ORC4: variants seen among roughly 807,000 people sequenced by gnomAD.
The protein encoded by ORC4 is origin recognition complex, subunit 4 homolog.
Under a neutral mutation model 63.9 loss-of-function variants are expected in ORC4, and 55 were observed. The ratio of observed to expected loss-of-function variants is 0.86; its 90% CI spans 0.69 to 1.08. ORC4 has a LOEUF of 1.08. Ranked by LOEUF, ORC4 falls within the 50% of genes least tolerant of loss-of-function variation. The pLI is 0.00. For missense variants in ORC4, 511 were observed against 504.4 expected (o/e 1.01, Z -0.13); for synonymous variants, 150 against 168.5 (o/e 0.89, Z 0.85).
At chr2:147,977,217 A>C (rs1449076877) in intron 1 of ORC4, among the ~76,000 whole-genome samples, 1 of 152,204 alleles carries the variant, frequency 6.6e-6, no homozygotes, top group Non-Finnish European at 1.5e-5. Flanking sequence ...ATTTGGATCC[A>C]ACCAAGTTAA....
chr2:147,988,972 AAACAT>A (rs1401837495), intron 1 of ORC4, among the ~76,000 whole-genome samples: 1 of 152,196 alleles, frequency 6.6e-6, no homozygotes, highest in Non-Finnish European at 1.5e-5. Flanking sequence ...AAACATTTAT[AAACAT>A]AACTTTTTAT....
At chr2:147,961,595 T>C (rs1689594884) in intron 4 of ORC4, among the ~76,000 whole-genome samples, 3 of 152,238 alleles carry the variant, frequency 2.0e-5, no homozygotes, top group Admixed American at 6.5e-5. Flanking sequence ...CAAACAATGC[T>C]CATCTCTTCA....
At chr2:148,018,419 G>A (rs1371607755) in intron 1 of ORC4, among the ~76,000 whole-genome samples, 3 of 152,112 alleles carry the variant, frequency 2.0e-5, no homozygotes, top group Non-Finnish European at 2.9e-5. Flanking sequence ...ATAAACATAC[G>A]TACTCTACAA....
chr2:147,972,855 T>G (rs772482689), intron 3 of ORC4, 26 bp from the exon 4 acceptor site: 1 of 1,458,752 alleles, frequency 6.9e-7, no homozygotes, highest in South Asian at 1.1e-5. Context: ...TAGGACAAAA[T>G]TTTAAAAATG....
intron 9 of ORC4, among the ~76,000 whole-genome samples, chr2:147,943,939 A>C (rs143105990): frequency 6.6e-6 from 1 of 152,288 alleles, no homozygotes; most frequent in African/African-American, 2.4e-5. Flanking sequence ...AGAAGGAAGA[A>C]CATTCCAGTT....
At chr2:147,948,968 AT>A (rs1158451421) in intron 8 of ORC4, among the ~76,000 whole-genome samples, 1 of 148,418 alleles carries the variant, frequency 6.7e-6, no homozygotes, top group Non-Finnish European at 1.5e-5. Flanking sequence ...AACTTGAGCA[AT>A]TTTTCAAAAT....
chr2:147,997,665 T>C (rs1175269507), intron 1 of ORC4, among the ~76,000 whole-genome samples: 1 of 152,144 alleles, frequency 6.6e-6, no homozygotes, highest in Non-Finnish European at 1.5e-5. Flanking sequence ...TATAAAAACA[T>C]AGCTTAAAAA....
chr2:147,973,032 G>C (rs2105350012), intron 3 of ORC4, among the ~76,000 whole-genome samples: 1 of 152,212 alleles, frequency 6.6e-6, no homozygotes, highest in South Asian at 2.1e-4. Flanking sequence ...GAAATCTTCA[G>C]GTGAAAACGT....
At position 147,931,596 on chromosome 2, in the gene ORC4, A is replaced by G. The variant is rs990708624; in HGVS notation, c.*3914T>C. 1 of 152,218 alleles carries G rather than the reference A, an allele frequency of 6.6e-6. No individual in the cohort carries two copies. Among genetic ancestry groups the G allele is most frequent in the African/African-American group, 2.4e-5 (1 of 41,434 alleles). The allele number at this position is 152,218 out of a possible 1,614,324, so 9.4% of individuals were successfully genotyped here. A position where few individuals can be genotyped will look rare whatever the true frequency, so the allele number is the denominator to read the frequency against. On this transcript the variant is annotated 3_prime_UTR_variant, in exon 14 of 14. Coordinates refer to ENST00000392857, the MANE Select transcript of ORC4 (RefSeq NM_181741.4). ...AAACGAATCCAGCAGCACATCAAAA[A>G]GCTTATCCACCATGATCAAGTGGGC...
intron 1 of ORC4, among the ~76,000 whole-genome samples, chr2:148,008,824 G>T (rs1558879019): frequency 6.6e-6 from 1 of 152,128 alleles, no homozygotes; most frequent in Non-Finnish European, 1.5e-5. Context: ...GCTCACCATT[G>T]TTCCATCTGT....
chr2:147,948,138 C>T lies in ORC4; in HGVS notation c.675G>A (p.Gln225=), dbSNP rs567650333. 2 of 1,610,590 alleles carry T rather than the reference C, an allele frequency of 1.2e-6. No individual in the cohort carries two copies. The highest frequency in any genetic ancestry group is 2.2e-5 in the East Asian group (1 of 44,718). Residue 225 remains glutamine (Q), a synonymous_variant, in exon 9 of 14, where the codon CAG becomes CAA. Transcript: ENST00000392857. The part of the protein sequence containing the change: ...IHLMNSFGFP[Q]YVKIFKEQLS... ...ACTGTTCTTTAAATATTTTAACATA[C>T]TGTGGAAAACCAAATGAATTCATTA...
intron 1 of ORC4, among the ~76,000 whole-genome samples, chr2:148,002,751 A>G (rs938661527): frequency 1.3e-5 from 2 of 152,168 alleles, no homozygotes; most frequent in African/African-American, 4.8e-5. Flanking sequence ...AAGACAAGAA[A>G]TAACTAAGAC....
chr2:148,005,555 G>T (rs949501201), intron 1 of ORC4, among the ~76,000 whole-genome samples: 1 of 144,140 alleles, frequency 6.9e-6, no homozygotes, highest in Non-Finnish European at 1.5e-5. Flanking sequence ...ATTTAAAATA[G>T]ACATTGTTTT....
intron 7 of ORC4, among the ~76,000 whole-genome samples, chr2:147,954,913 T>G (rs1311752777): frequency 1.3e-5 from 2 of 152,000 alleles, no homozygotes; most frequent in Non-Finnish European, 2.9e-5. Flanking sequence ...CCACAGAAAT[T>G]TATCCCAGGA....
intron 1 of ORC4, among the ~76,000 whole-genome samples, chr2:148,003,841 A>G (rs1211552071): frequency 2.6e-5 from 4 of 152,230 alleles, no homozygotes; most frequent in Non-Finnish European, 5.9e-5. Context: ...AGATGACATG[A>G]TTGTATATTT....
chr2:148,005,656 C>CAAAAAAAAAAAAAAAAAAAAAAAAAA (rs55869341), intron 1 of ORC4, among the ~76,000 whole-genome samples: 1 of 51,490 alleles, frequency 1.9e-5, no homozygotes, highest in Non-Finnish European at 3.4e-5. Flanking sequence ...ACTATCCATG[C>CAAAAAAAAAAAAAAAAAAAAAAAAAA]AAAAAAAAAA....
At chr2:148,010,001 T>C (rs1692852627) in intron 1 of ORC4, among the ~76,000 whole-genome samples, 2 of 152,304 alleles carry the variant, frequency 1.3e-5, no homozygotes, top group South Asian at 4.1e-4. Context: ...TGATAAAAAG[T>C]ATATTTTCTA....
chr2:147,986,444 T>C (rs1257751617), intron 1 of ORC4, among the ~76,000 whole-genome samples: 1 of 151,964 alleles, frequency 6.6e-6, no homozygotes, highest in Non-Finnish European at 1.5e-5. Context: ...AGAAAACTGA[T>C]AAAAACTGTA....
At chr2:147,987,530 A>G (rs922781127) in intron 1 of ORC4, among the ~76,000 whole-genome samples, 1 of 152,038 alleles carries the variant, frequency 6.6e-6, no homozygotes, top group Admixed American at 6.5e-5. Flanking sequence ...CTGGATAATC[A>G]AAAGTACTCT....
Sources: gnomAD v4.1 joint callset for allele counts (sites outside exome capture counted in the v4.1 genomes callset) on GRCh38, gnomAD v4.1.1 for gene constraint, MANE v1.5 for transcripts, NCBI Gene and HGNC (gene_info 2026-07-23, HGNC 2026-07-21) for gene names.